WRAP53: variants seen among roughly 807,000 people sequenced by gnomAD.
WRAP53 encodes WD repeat containing antisense to TP53.
WRAP53 carries 28 observed loss-of-function variants against 56.6 expected under a neutral mutation model. The ratio of observed to expected loss-of-function variants is 0.50; its 90% CI spans 0.37 to 0.68. WRAP53 has a LOEUF of 0.68. WRAP53 is among the 30% of genes least tolerant of loss of function. The probability of loss-of-function intolerance (pLI) is 0.00; values close to 1 mark genes in which losing one functional copy is unlikely to be tolerated. For missense variants in WRAP53, 671 were observed against 715.5 expected (o/e 0.94, Z 0.71); for synonymous variants, 283 against 283.4 (o/e 1.00, Z 0.01).
At chr17:7,695,638 G>A (rs997541480) in intron 4 of WRAP53, among the ~76,000 whole-genome samples, 3 of 151,954 alleles carry the variant, frequency 2.0e-5, no homozygotes, top group African/African-American at 4.8e-5. Context: ...TCTCTCTCCC[G>A]CTGACGACGT....
chr17:7,703,037 CTG>C lies in WRAP53; in HGVS notation c.1318_1319del (p.Trp440GlyfsTer8). The C allele has an allele frequency of 6.2e-7, 1 of 1,614,092 alleles. No homozygotes were observed. The highest frequency in any genetic ancestry group is 8.5e-7 in the Non-Finnish European group (1 of 1,180,020). ...AGTGGCAGCACGAGCGGGGCTGTCTCTGTGTGGGACACGGACGGGCCTGGCAA... is the reference window on the plus strand; with the variant it reads ...AGTGGCAGCACGAGCGGGGCTGTCTCTGTGGGACACGGACGGGCCTGGCAA... On this transcript the variant is annotated frameshift_variant, in exon 10 of 11. Transcript: ENST00000396463. LOFTEE classifies it high-confidence loss of function.
chr17:7,690,677 C>T (rs2074096035), intron 4 of WRAP53, among the ~76,000 whole-genome samples: 1 of 151,866 alleles, frequency 6.6e-6, no homozygotes, highest in South Asian at 2.1e-4. Flanking sequence ...CTCAGGAGGC[C>T]GAGGTGTGCA....
rs1396329933 is a variant in WRAP53, at chr17:7,689,668, C to T, written c.609C>T (p.Tyr203=). The change falls in exon 4 of 11, where the codon TAC becomes TAT. Residue 203 remains tyrosine (Y), a synonymous_variant. Transcript: ENST00000396463. ...TTTATAACCTGCCCCCAGAGCTGTA[C>T]CATGAGGGGGAGCAGGTGGAATATG... ...LRIYNLPPEL[Y]HEGEQVEYAE... The T allele has an allele frequency of 1.2e-6, 2 of 1,614,002 alleles. No homozygotes were observed. Among genetic ancestry groups the T allele is most frequent in the South Asian group, 1.1e-5 (1 of 91,090 alleles).
At chr17:7,690,542 G>C (rs564657198) in intron 4 of WRAP53, among the ~76,000 whole-genome samples, 2 of 152,320 alleles carry the variant, frequency 1.3e-5, no homozygotes, top group Middle Eastern at 3.4e-3. Context: ...TCATGTGAAG[G>C]CTTCTGGAAA....
At chr17:7,687,435 T>C (rs2074026172), upstream of WRAP53, 2 of 398,544 alleles carry the variant, frequency 5.0e-6, no homozygotes, top group Non-Finnish European at 8.8e-6. Context: ...GAACGCAAAG[T>C]GTCCCCGGAG....
chr17:7,699,427 A>T (rs1485239125), intron 4 of WRAP53, among the ~76,000 whole-genome samples: 8 of 109,198 alleles, frequency 7.3e-5, no homozygotes, highest in African/African-American at 2.5e-4. Context: ...CTTTAAAATT[A>T]AAAAAAAAAA....
At position 7,691,390 on chromosome 17, in the gene WRAP53, G is replaced by GTTTTTTT. The variant is rs200960465; in HGVS notation, c.642+1690_642+1691insTTTTTTT. ...GTTTATTTGGGAAGTCATGAGAGAG[G>GTTTTTTT]TGTTTTTTTTTTTTTTTTGAGACGA... On this transcript the variant is annotated intron_variant, in intron 4 of 10. Coordinates refer to ENST00000396463, the MANE Select transcript of WRAP53 (RefSeq NM_001143992.2). 4.3e-5 allele frequency among the ~76,000 whole-genome samples: 6 copies of GTTTTTTT among 140,146 alleles called. 1 individual carries two copies. The highest frequency in any genetic ancestry group is 6.0e-5 in the Non-Finnish European group (4 of 66,398). 91.9% of individuals were successfully genotyped at this position (140,146 alleles called of 152,430 possible). A position where few individuals can be genotyped will look rare whatever the true frequency, so the allele number is the denominator to read the frequency against.
intron 4 of WRAP53, among the ~76,000 whole-genome samples, chr17:7,693,536 T>G (rs1567574040): frequency 6.6e-6 from 1 of 152,036 alleles, no homozygotes; most frequent in East Asian, 1.9e-4. Context: ...CTGGCCAACA[T>G]AGTGAAACCC....
In WRAP53 at chr17:7,701,112, A is replaced by G. The variant is rs1294509658; in HGVS notation, c.731+283A>G. ...CTCAGCCTCCTGAGTAGCTGGGATT[A>G]CAGGTGTGCACCACCACACCCAGCT... On this transcript the variant is annotated intron_variant, in intron 5 of 10. Coordinates refer to ENST00000396463, the MANE Select transcript of WRAP53 (RefSeq NM_001143992.2). The surrounding 1 kb of genome is among the most constrained non-coding windows in gnomAD (Gnocchi z 4.2). Among the ~76,000 whole-genome samples the G allele has an allele frequency of 6.6e-6, 1 of 152,098 alleles. No homozygotes were observed. Among genetic ancestry groups the G allele is most frequent in the Non-Finnish European group, 1.5e-5 (1 of 68,006 alleles).
At position 7,701,049 on chromosome 17, in the gene WRAP53, T is replaced by C. The variant is rs1308609378; in HGVS notation, c.731+220T>C. On this transcript the variant is annotated intron_variant, in intron 5 of 10. Coordinates refer to ENST00000396463, the MANE Select transcript of WRAP53 (RefSeq NM_001143992.2). This position sits in a 1 kb window ranked among gnomAD's most constrained non-coding sequence, Gnocchi z 4.2. ...GGGCGGTGATGCAGTCTCAGCTCAC[T>C]GCAACCTCCGCCTCCCAGGTTGAAG... is the stretch of plus-strand genomic sequence containing the variant. Among the ~76,000 whole-genome samples, 3 of 151,916 alleles carry C rather than the reference T, an allele frequency of 2.0e-5. No homozygotes were observed. The highest frequency in any genetic ancestry group is 6.6e-5 in the Admixed American group (1 of 15,252).
At position 7,701,266 on chromosome 17, in the gene WRAP53, G is replaced by A. The variant is rs2074269579; in HGVS notation, c.732-193G>A. 6.6e-6 allele frequency among the ~76,000 whole-genome samples: 1 copy of A among 152,030 alleles called. No homozygotes were observed. Among genetic ancestry groups the A allele is most frequent in the Admixed American group, 6.6e-5 (1 of 15,262 alleles). Reference sequence around the variant, plus strand: ...TTACAGGCATGAGCCACCACACCCAGCCTCATTTTTGTATTTTTAGTAGAG... The same window carrying A: ...TTACAGGCATGAGCCACCACACCCAACCTCATTTTTGTATTTTTAGTAGAG... On this transcript the variant is annotated intron_variant, in intron 5 of 10. Coordinates refer to ENST00000396463, the MANE Select transcript of WRAP53 (RefSeq NM_001143992.2). This position sits in a 1 kb window ranked among gnomAD's most constrained non-coding sequence, Gnocchi z 4.2.
chr17:7,695,381 C>G (rs113051562), intron 4 of WRAP53, among the ~76,000 whole-genome samples: 3 of 152,172 alleles, frequency 2.0e-5, no homozygotes, highest in African/African-American at 7.2e-5. Context: ...TCTTTTCCAC[C>G]TTTTCACAGA....
chr17:7,689,549 G>C (rs1226373449), intron 3 of WRAP53, 41 bp from the exon 4 acceptor site: 1 of 1,588,150 alleles, frequency 6.3e-7, no homozygotes. Context: ...CACTTGAAAA[G>C]CATAGGTCTG....
intron 4 of WRAP53, 142 bp downstream of exon 4, chr17:7,689,843 C>G (rs1020929084): frequency 1.0e-5 from 7 of 675,198 alleles, no homozygotes; most frequent in Non-Finnish European, 1.3e-5. Flanking sequence ...GCGTTTTCTG[C>G]CCCGAATTCT....
At position 7,689,279 on chromosome 17, in the gene WRAP53, G is replaced by C. The variant is rs1174089272; in HGVS notation, c.487G>C (p.Glu163Gln). ...TCGATTTCTCAGTGGTTCCTGGTCA[G>C]AGTTCAGCACCCAACCTGAGAACTT... The part of the protein sequence containing the change: ...LPRFLSGSWS[E>Q]FSTQPENFLK... The change falls in exon 3 of 11, where the codon GAG (glutamate) becomes CAG (glutamine). Residue 163 changes from glutamate (E) to glutamine (Q), a missense_variant. Around this residue, in one of 3 missense-constraint regions of WRAP53, gnomAD observed 406 missense variants for 418.5 expected, o/e 0.97. Coordinates refer to ENST00000396463, the MANE Select transcript of WRAP53 (RefSeq NM_001143992.2). 6.2e-7 allele frequency: 1 copy of C among 1,614,050 alleles called. No homozygotes were observed. The highest frequency in any genetic ancestry group is 8.5e-7 in the Non-Finnish European group (1 of 1,180,022).
chr17:7,688,328 G>C (rs1597402309), upstream of WRAP53: 1 of 413,990 alleles, frequency 2.4e-6, no homozygotes, highest in East Asian at 5.1e-5. Context: ...GATGGGAACG[G>C]GAAACCTTCT....
At chr17:7,691,245 C>T (rs2074103938) in intron 4 of WRAP53, among the ~76,000 whole-genome samples, 1 of 147,570 alleles carries the variant, frequency 6.8e-6, no homozygotes, top group African/African-American at 2.6e-5. Flanking sequence ...AACAAACAAA[C>T]ACAAAACAAA....
chr17:7,693,575 C>T (rs1399649082), intron 4 of WRAP53, among the ~76,000 whole-genome samples: 5 of 151,976 alleles, frequency 3.3e-5, no homozygotes, highest in East Asian at 1.9e-4. Context: ...AAAAATTAGC[C>T]GGGCTTAGTG....
At position 7,702,363 on chromosome 17, in the gene WRAP53, C is replaced by A. The variant is rs146558070; in HGVS notation, c.975C>A (p.Ser325Arg). 2.5e-6 allele frequency: 4 copies of A among 1,614,098 alleles called. No homozygotes were observed. The East Asian group carries it at 8.9e-5, about 36-fold the overall frequency. ...RATFAKKQGQ[S>R]GIISCIAFSP... ...CTCTAGCAAAAAAGCAGGGCCAGAG[C>A]GGCATCATCTCCTGCATAGCCTTCA... is the stretch of plus-strand genomic sequence containing the variant. Residue 325 changes from serine (S) to arginine (R), a missense_variant, in exon 8 of 11, where the codon AGC becomes AGA. Transcript: ENST00000396463. This position sits in a 1 kb window ranked among gnomAD's most constrained non-coding sequence, Gnocchi z 5.0.
Sources: allele counts gnomAD v4.1 joint callset (sites outside exome capture counted in the v4.1 genomes callset), GRCh38; gene constraint gnomAD v4.1.1; regional missense constraint gnomAD v4.1.1; non-coding constraint Gnocchi (gnomAD v3.1); transcripts MANE v1.5; gene names NCBI Gene and HGNC (gene_info 2026-07-23, HGNC 2026-07-21).